SPATA6: variants seen among roughly 807,000 people sequenced by gnomAD.
SPATA6 encodes the protein spermatogenesis-associated protein 6.
A neutral mutation model predicts 65.3 loss-of-function variants in SPATA6; 56 were observed. The ratio of observed to expected loss-of-function variants is 0.86; its 90% CI spans 0.69 to 1.07. The LOEUF (loss-of-function observed/expected upper bound fraction) is 1.07, where lower values mean the gene tolerates loss of function less well. SPATA6 is among the 50% of genes least tolerant of loss of function. The pLI is 0.00. For missense variants in SPATA6, 590 were observed against 594.8 expected (o/e 0.99, Z 0.08); for synonymous variants, 199 against 213.2 (o/e 0.93, Z 0.58).
chr1:48,304,085 G>A (rs1388289576), intron 12 of SPATA6, among the ~76,000 whole-genome samples: 2 of 152,140 alleles, frequency 1.3e-5, no homozygotes, highest in East Asian at 1.9e-4. Flanking sequence ...CCTTTGAGAT[G>A]GAAAGCAGAA....
intron 1 of SPATA6, among the ~76,000 whole-genome samples, chr1:48,464,232 C>T (rs777005665): frequency 2.0e-5 from 3 of 151,842 alleles, no homozygotes; most frequent in South Asian, 2.1e-4. Flanking sequence ...TTAGAAAAAA[C>T]GACAAAGATA....
At chr1:48,440,726 A>G (rs1009558021) in intron 3 of SPATA6, among the ~76,000 whole-genome samples, 1 of 152,186 alleles carries the variant, frequency 6.6e-6, no homozygotes, top group Non-Finnish European at 1.5e-5. Flanking sequence ...CTGCCCTGTC[A>G]CCCAACTCAC....
At chr1:48,323,252 G>A (rs900913078) in intron 11 of SPATA6, among the ~76,000 whole-genome samples, 2 of 152,154 alleles carry the variant, frequency 1.3e-5, no homozygotes, top group Non-Finnish European at 2.9e-5. Flanking sequence ...AAAATGATGA[G>A]TTCATGTCCT....
Position 48,323,525 on chromosome 1 carries a change from A to T in SPATA6, c.1195-17647T>A, listed in dbSNP as rs181237271. ...TTGCACATGTATACTGATGTTAAAA[A>T]CCTGCATCTTGTGCACATCTACCAC... On this transcript the variant is annotated intron_variant, in intron 11 of 12. Coordinates refer to ENST00000371847, the MANE Select transcript of SPATA6 (RefSeq NM_019073.4). 1.2e-3 allele frequency among the ~76,000 whole-genome samples: 177 copies of T among 152,066 alleles called. 1 individual carries two copies. Among genetic ancestry groups the T allele is most frequent in the African/African-American group, 4.1e-3 (171 of 41,464 alleles).
chr1:48,459,598 A>G lies in SPATA6; in HGVS notation c.52-6467T>C, dbSNP rs191703559. 7.3e-4 allele frequency among the ~76,000 whole-genome samples: 111 copies of G among 152,338 alleles called. 1 individual carries two copies. Among genetic ancestry groups the G allele is most frequent in the African/African-American group, 2.7e-3 (111 of 41,586 alleles). ...ATAGAAGATATAAGCAATATTTACT[A>G]ATTTGACCTAAATGACATTTACAGA... is the stretch of plus-strand genomic sequence containing the variant. On this transcript the variant is annotated intron_variant, in intron 1 of 12. Transcript: ENST00000371847.
At chr1:48,384,350 C>CAGGGAGAGGGAG (rs769342177) in intron 9 of SPATA6, among the ~76,000 whole-genome samples, 3 of 21,466 alleles carry the variant, frequency 1.4e-4, no homozygotes, top group Admixed American at 7.6e-4. Flanking sequence ...GGGACAGGGA[C>CAGGGAGAGGGAG]AGGGAGAGGG....
chr1:48,469,855 C>G (rs763953800), intron 1 of SPATA6, among the ~76,000 whole-genome samples: 23 of 151,812 alleles, frequency 1.5e-4, no homozygotes, highest in South Asian at 1.3e-3. Flanking sequence ...TTCTGAGCAT[C>G]AGAGCCATTT....
chr1:48,357,128 A>AT (rs1646684008), intron 10 of SPATA6, among the ~76,000 whole-genome samples: 1 of 152,184 alleles, frequency 6.6e-6, no homozygotes, highest in South Asian at 2.1e-4. Flanking sequence ...GTCTAATTTC[A>AT]TTTATAAAAC....
At position 48,377,750 on chromosome 1, in the gene SPATA6, A is replaced by G. The variant is rs114131078; in HGVS notation, c.909+7559T>C. On this transcript the variant is annotated intron_variant, in intron 9 of 12. Coordinates refer to ENST00000371847, the MANE Select transcript of SPATA6 (RefSeq NM_019073.4). ...TAATCTTTTTTAAAGAGATAAAGAGATATTAGCAGGGGAACGGAACAGAGT... is the reference window on the plus strand; with the variant it reads ...TAATCTTTTTTAAAGAGATAAAGAGGTATTAGCAGGGGAACGGAACAGAGT... 4.5e-3 allele frequency among the ~76,000 whole-genome samples: 692 copies of G among 152,278 alleles called. 4 individuals carry two copies. Among genetic ancestry groups the G allele is most frequent in the African/African-American group, 0.015 (619 of 41,554 alleles).
At chr1:48,418,491 T>C (rs1205429241) in intron 3 of SPATA6, among the ~76,000 whole-genome samples, 2 of 138,090 alleles carry the variant, frequency 1.4e-5, no homozygotes, top group Non-Finnish European at 3.0e-5. Context: ...GAGGGTTGCT[T>C]GAGCCCCGGA....
the SPATA6 span, among the ~76,000 whole-genome samples, chr1:48,261,498 C>CTGATATTAT: frequency 6.6e-6 from 1 of 152,026 alleles, no homozygotes; most frequent in East Asian, 1.9e-4. Flanking sequence ...CTTTCTAATG[C>CTGATATTAT]TGATATTATT....
chr1:48,393,268 G>A (rs1650253673), intron 8 of SPATA6: 1 of 152,112 alleles, frequency 6.6e-6, no homozygotes, highest in African/African-American at 2.4e-5. Context: ...CTAGTGTGAT[G>A]CACTGAGAGT....
the SPATA6 span, among the ~76,000 whole-genome samples, chr1:48,270,591 T>G: frequency 5.9e-5 from 9 of 151,968 alleles, 1 homozygote. Context: ...TACCCCCTAC[T>G]ACACAGATAT....
chr1:48,384,972 G>A (rs966349522), intron 9 of SPATA6, among the ~76,000 whole-genome samples: 1 of 152,068 alleles, frequency 6.6e-6, no homozygotes, highest in Non-Finnish European at 1.5e-5. Flanking sequence ...AATTATGAGG[G>A]TGCTCTATGA....
intron 11 of SPATA6, among the ~76,000 whole-genome samples, chr1:48,316,701 G>T (rs1645434229): frequency 6.6e-6 from 1 of 152,130 alleles, no homozygotes; most frequent in Non-Finnish European, 1.5e-5. Context: ...TTAAACTAAA[G>T]AGCTTCTGCA....
intron 9 of SPATA6, among the ~76,000 whole-genome samples, chr1:48,375,533 TTTAA>T (rs1647791020): frequency 6.6e-6 from 1 of 152,200 alleles, no homozygotes; most frequent in Non-Finnish European, 1.5e-5. Context: ...TGTATTTTTT[TTTAA>T]TTGTTTTCTT....
At chr1:48,339,934 C>A (rs1646163562) in intron 11 of SPATA6, among the ~76,000 whole-genome samples, 1 of 151,866 alleles carries the variant, frequency 6.6e-6, no homozygotes, top group South Asian at 2.1e-4. Flanking sequence ...ATCCTTTTGG[C>A]TATGATTGAG....
At chr1:48,263,692 T>G in the SPATA6 span, among the ~76,000 whole-genome samples, 1 of 152,248 alleles carries the variant, frequency 6.6e-6, no homozygotes, top group Non-Finnish European at 1.5e-5. Context: ...TCCTTTGAAC[T>G]CATACTACTC....
chr1:48,270,637 C>A, the SPATA6 span, among the ~76,000 whole-genome samples: 1 of 151,828 alleles, frequency 6.6e-6, no homozygotes, highest in Non-Finnish European at 1.5e-5. Context: ...ATGTAAATTA[C>A]CGAGTACAGA....
Sources: gnomAD v4.1 joint callset for allele counts (sites outside exome capture counted in the v4.1 genomes callset) on GRCh38, gnomAD v4.1.1 for gene constraint, MANE v1.5 for transcripts, NCBI Gene and HGNC (gene_info 2026-07-23, HGNC 2026-07-21) for gene names.